SRRM4: variants seen among roughly 807,000 people sequenced by gnomAD.
SRRM4 encodes the protein serine/arginine repetitive matrix 4.
SRRM4 carries 33 observed loss-of-function variants against 68.9 expected under a neutral mutation model. The ratio of observed to expected loss-of-function variants is 0.48; its 90% confidence interval spans 0.36 to 0.64. The LOEUF (loss-of-function observed/expected upper bound fraction) is 0.64, where lower values mean the gene tolerates loss of function less well. Ranked by LOEUF, SRRM4 falls within the 30% of genes least tolerant of loss-of-function variation. The pLI is 0.00. For missense variants in SRRM4, 817 were observed against 827.1 expected (o/e 0.99, Z 0.15); for synonymous variants, 318 against 318.8 (o/e 1.00, Z 0.03).
intron 1 of SRRM4, among the ~76,000 whole-genome samples, chr12:119,065,065 A>G (rs746471230): frequency 1.3e-4 from 20 of 152,202 alleles, no homozygotes; most frequent in African/African-American, 1.9e-4. Flanking sequence ...AACCACTTCA[A>G]TGAGGTGGGT....
chr12:119,014,454 T>C (rs1269348615), intron 1 of SRRM4, among the ~76,000 whole-genome samples: 1 of 151,528 alleles, frequency 6.6e-6, no homozygotes, highest in Non-Finnish European at 1.5e-5. Context: ...TCAGAACAGG[T>C]ATGATGCTCT....
intron 2 of SRRM4, among the ~76,000 whole-genome samples, chr12:119,106,341 T>C (rs1390861611): frequency 6.6e-6 from 1 of 152,194 alleles, no homozygotes; most frequent in Non-Finnish European, 1.5e-5. Flanking sequence ...TCCAGTTCTG[T>C]GGAAAAAGTC....
intron 1 of SRRM4, among the ~76,000 whole-genome samples, chr12:119,042,312 G>A (rs985125581): frequency 1.3e-5 from 2 of 151,896 alleles, no homozygotes; most frequent in African/African-American, 4.8e-5. Context: ...GGGTCAGAGG[G>A]TGGGCAAGAA....
intron 1 of SRRM4, among the ~76,000 whole-genome samples, chr12:119,079,493 C>CA (rs1303642110): frequency 1.3e-5 from 2 of 152,188 alleles, no homozygotes; most frequent in Non-Finnish European, 2.9e-5. Flanking sequence ...CTTGTCAGAG[C>CA]AATTTCTTTG....
chr12:119,134,391 A>AT, intron 8 of SRRM4, among the ~76,000 whole-genome samples: 1 of 151,858 alleles, frequency 6.6e-6, no homozygotes, highest in Admixed American at 6.6e-5. Flanking sequence ...GTAAAAAAAA[A>AT]AAAAAAAGAA....
intron 1 of SRRM4, among the ~76,000 whole-genome samples, chr12:119,000,245 A>T (rs1953375765): frequency 6.6e-6 from 1 of 152,206 alleles, no homozygotes; most frequent in African/African-American, 2.4e-5. Context: ...ACATCAAAGC[A>T]GTGCAATATG....
chr12:119,071,981 T>G (rs1378181605), intron 1 of SRRM4, among the ~76,000 whole-genome samples: 1 of 152,224 alleles, frequency 6.6e-6, no homozygotes, highest in African/African-American at 2.4e-5. Flanking sequence ...AGCTCATGTT[T>G]CAGAGTAAAG....
chr12:119,005,880 T>C (rs1183602726), intron 1 of SRRM4, among the ~76,000 whole-genome samples: 1 of 152,180 alleles, frequency 6.6e-6, no homozygotes, highest in Non-Finnish European at 1.5e-5. Flanking sequence ...TCTGATTTCC[T>C]TTTTGACTGT....
At chr12:119,094,829 G>A (rs1032663172) in intron 1 of SRRM4, among the ~76,000 whole-genome samples, 7 of 152,154 alleles carry the variant, frequency 4.6e-5, no homozygotes, top group Admixed American at 1.3e-4. Flanking sequence ...AGTCCTGCAG[G>A]GCAGAAACAA....
At chr12:119,111,769 C>A (rs4283045) in intron 2 of SRRM4, among the ~76,000 whole-genome samples, 32,217 of 152,210 alleles carry the variant, frequency 0.21, 4,223 homozygotes, top group South Asian at 0.28. Flanking sequence ...GGTGGCCGGG[C>A]ACCATGGCTC....
chr12:119,050,594 T>G (rs1953736576), intron 1 of SRRM4, among the ~76,000 whole-genome samples: 1 of 152,212 alleles, frequency 6.6e-6, no homozygotes. Flanking sequence ...TCATGAAAGC[T>G]CAAAGCACAC....
At chr12:119,015,994 T>A (rs1953478689) in intron 1 of SRRM4, among the ~76,000 whole-genome samples, 1 of 151,720 alleles carries the variant, frequency 6.6e-6, no homozygotes, top group Non-Finnish European at 1.5e-5. Context: ...TCACTGTGGA[T>A]GTCATTAGTT....
intron 6 of SRRM4, 118 bp downstream of exon 6, chr12:119,122,238 G>T (rs915349764): frequency 1.4e-5 from 8 of 562,104 alleles, no homozygotes; most frequent in Admixed American, 3.0e-5. Flanking sequence ...GAAGGTGAGC[G>T]GGTGAAAGGA....
At chr12:119,142,152 A>G (rs1954369231) in intron 8 of SRRM4, among the ~76,000 whole-genome samples, 1 of 152,196 alleles carries the variant, frequency 6.6e-6, no homozygotes, top group Non-Finnish European at 1.5e-5. Context: ...TTTGTGAAGT[A>G]GGCAGGACCG....
rs187214579 is a variant in SRRM4 at position 119,054,264 on chromosome 12, G to A, written c.132-47972G>A. On this transcript the variant is annotated intron_variant, in intron 1 of 12. Coordinates refer to ENST00000267260, the MANE Select transcript of SRRM4 (RefSeq NM_194286.4). Reference sequence around the variant, plus strand: ...GTATTCCTTTGTGTATATGTACCACGTTTTATTTATCCATCCATGTAACAG... The same window carrying A: ...GTATTCCTTTGTGTATATGTACCACATTTTATTTATCCATCCATGTAACAG... Among the ~76,000 whole-genome samples the A allele has an allele frequency of 3.4e-3, 522 of 152,230 alleles. 12 individuals are homozygous for A. Among genetic ancestry groups the A allele is most frequent in the Non-Finnish European group, 1.5e-3 (99 of 68,012 alleles).
intron 1 of SRRM4, among the ~76,000 whole-genome samples, chr12:119,057,735 G>A (rs1321214783): frequency 6.6e-6 from 1 of 152,136 alleles, no homozygotes; most frequent in African/African-American, 2.4e-5. Context: ...TAGGCCAAAT[G>A]GTATTTCTGT....
chr12:119,037,201 G>A (rs1289186249), intron 1 of SRRM4, among the ~76,000 whole-genome samples: 1 of 152,168 alleles, frequency 6.6e-6, no homozygotes, highest in African/African-American at 2.4e-5. Context: ...GGGTTTGGGG[G>A]ATAGGGAGTC....
In SRRM4 at chr12:119,156,671, C is replaced by G. The variant is rs1481827862; in HGVS notation, c.1709C>G (p.Ser570Cys). Residue 570 changes from serine to cysteine, a missense_variant, in exon 13 of 13, where the codon TCT (serine) becomes TGT (cysteine). Transcript: ENST00000267260. ...AGCCGGACCCGCACGAGCAGCAGCT[C>G]TAGCTCCCGCAGCCCTAGTCCGGGC... The part of the protein sequence containing the change: ...RRSRTRTSSS[S>C]SSRSPSPGSR... 1 of 1,563,604 alleles carries G rather than the reference C, an allele frequency of 6.4e-7. No homozygotes were observed. The highest frequency in any genetic ancestry group is 8.7e-7 in the Non-Finnish European group (1 of 1,155,808).
chr12:119,129,353 T>C (rs1954279729), intron 7 of SRRM4, among the ~76,000 whole-genome samples: 1 of 152,226 alleles, frequency 6.6e-6, no homozygotes, highest in African/African-American at 2.4e-5. Context: ...AGACATGCCT[T>C]TGGTTTTTAC....
Sources: allele counts gnomAD v4.1 joint callset (sites outside exome capture counted in the v4.1 genomes callset), GRCh38; gene constraint gnomAD v4.1.1; transcripts MANE v1.5; gene names NCBI Gene and HGNC (gene_info 2026-07-23, HGNC 2026-07-21).